Variants in CDK19 observed in about 807,000 individuals in gnomAD.
CDK19 encodes the protein cyclin dependent kinase 19, also known as cyclin-dependent kinase 19.
Under a neutral mutation model 68.3 loss-of-function variants are expected in CDK19, and 20 were observed. The ratio of observed to expected loss-of-function variants is 0.29; its 90% confidence interval spans 0.21 to 0.43. The LOEUF is 0.43. Ranked by LOEUF, CDK19 falls within the 20% of genes least tolerant of loss-of-function variation. The pLI is 1.00. For synonymous variants in CDK19, 221 were observed against 222.8 expected (o/e 0.99, Z 0.07); for missense variants, 339 against 623.5 (o/e 0.54, Z 4.86).
At position 110,621,088 on chromosome 6, in the gene CDK19, G is replaced by A. The variant is rs776505842; in HGVS notation, c.1377+16C>T. 1.2e-5 allele frequency: 20 copies of A among 1,602,734 alleles called. No individual in the cohort carries two copies. The highest frequency in any genetic ancestry group is 1.7e-5 in the Non-Finnish European group (20 of 1,174,502). On this transcript the variant is annotated intron_variant, in intron 12 of 12. Coordinates refer to ENST00000368911, the MANE Select transcript of CDK19 (RefSeq NM_015076.5). The surrounding 1 kb of genome is among the most constrained non-coding windows in gnomAD (Gnocchi z 5.4). Reference sequence around the variant, plus strand: ...CACTTCATAAAGCATATGAACATTAGACATTCAGGGAGTACCTGATAATCC... The same window carrying A: ...CACTTCATAAAGCATATGAACATTAAACATTCAGGGAGTACCTGATAATCC...
chr6:110,627,570 G>A (rs1050986193), intron 6 of CDK19, among the ~76,000 whole-genome samples: 1 of 152,064 alleles, frequency 6.6e-6, no homozygotes, highest in Non-Finnish European at 1.5e-5. Flanking sequence ...GAGTACAGTG[G>A]TGTAACCATG....
intron 4 of CDK19, among the ~76,000 whole-genome samples, chr6:110,655,365 C>CA (rs1015045212): frequency 0.014 from 1,849 of 135,566 alleles, 18 homozygotes; most frequent in African/African-American, 0.034. Context: ...GACTCCATCT[C>CA]AAAAAAAAAA....
At chr6:110,646,415 A>C (rs1780581182) in intron 4 of CDK19, 1 of 1,491,812 alleles carries the variant, frequency 6.7e-7, no homozygotes, top group East Asian at 2.5e-5. Flanking sequence ...GGGCGGCGAC[A>C]TGGCCTTCCC....
At chr6:110,651,034 C>G (rs13362772) in intron 4 of CDK19, among the ~76,000 whole-genome samples, 6,345 of 152,100 alleles carry the variant, frequency 0.042, 163 homozygotes, top group South Asian at 0.083. Flanking sequence ...ATGAGAGAAA[C>G]AGCAAAGAGG....
At chr6:110,704,452 C>T (rs1204546341) in intron 2 of CDK19, among the ~76,000 whole-genome samples, 1 of 152,142 alleles carries the variant, frequency 6.6e-6, no homozygotes, top group Non-Finnish European at 1.5e-5. Flanking sequence ...CTGCTTTTTA[C>T]TTCCTTTGTT....
chr6:110,722,284 T>G (rs1775957679), intron 2 of CDK19: 2 of 152,134 alleles, frequency 1.3e-5, no homozygotes, highest in African/African-American at 4.8e-5. Flanking sequence ...TTGCATGTCA[T>G]CTTTGCACAG....
At chr6:110,655,365 CAAA>C (rs1015045212) in intron 4 of CDK19, among the ~76,000 whole-genome samples, 1 of 135,638 alleles carries the variant, frequency 7.4e-6, no homozygotes. Flanking sequence ...GACTCCATCT[CAAA>C]AAAAAAAAAA....
intron 2 of CDK19, among the ~76,000 whole-genome samples, chr6:110,680,384 G>C (rs1454459048): frequency 6.6e-6 from 1 of 152,154 alleles, no homozygotes; most frequent in Non-Finnish European, 1.5e-5. Context: ...GGACACAGGG[G>C]AACACAAGTG....
At chr6:110,700,149 C>T (rs932383318) in intron 2 of CDK19, among the ~76,000 whole-genome samples, 6 of 152,182 alleles carry the variant, frequency 3.9e-5, no homozygotes, top group Non-Finnish European at 5.9e-5. Context: ...GAATCTAATG[C>T]TTGATGATCT....
intron 1 of CDK19, among the ~76,000 whole-genome samples, chr6:110,765,795 C>G (rs1477814728): frequency 6.6e-6 from 1 of 151,688 alleles, no homozygotes; most frequent in Non-Finnish European, 1.5e-5. Context: ...GGTAAATGAT[C>G]TGAATAGACA....
intron 1 of CDK19, among the ~76,000 whole-genome samples, chr6:110,751,365 C>T (rs544280452): frequency 3.8e-4 from 58 of 152,168 alleles, no homozygotes; most frequent in African/African-American, 1.3e-3. Flanking sequence ...GTGCAAAACC[C>T]ACTGTGAACT....
In CDK19 at chr6:110,791,891, C is replaced by T. The variant is rs182015013; in HGVS notation, c.128+23118G>A. 5.2e-3 allele frequency among the ~76,000 whole-genome samples: 793 copies of T among 152,224 alleles called. 6 individuals carry two copies. Among genetic ancestry groups the T allele is most frequent in the African/African-American group, 0.019 (771 of 41,534 alleles). On this transcript the variant is annotated intron_variant, in intron 1 of 12. Transcript: ENST00000368911. ...GAACTCCTGGCCTCAAGCAATCCTC[C>T]CACCTCAACCTCCCAAAGTGCTGGG...
chr6:110,728,450 T>TC (rs1196738158), intron 2 of CDK19, among the ~76,000 whole-genome samples: 1 of 152,140 alleles, frequency 6.6e-6, no homozygotes, highest in Non-Finnish European at 1.5e-5. Flanking sequence ...GAAAAATCTC[T>TC]AAGTTTTTTT....
intron 1 of CDK19, among the ~76,000 whole-genome samples, chr6:110,750,399 A>G (rs920620790): frequency 6.6e-6 from 1 of 152,280 alleles, no homozygotes; most frequent in Admixed American, 6.5e-5. Context: ...ACAGAGGGGT[A>G]ATAAGACAGG....
rs527639852 is a variant in CDK19, at chr6:110,655,314, C to T, written c.456+12120G>A. ...CCAGGAGGCAGAGGTTGTGGTGAGC[C>T]GAGATCGCGCCACTGCACTCTAGCC... On this transcript the variant is annotated intron_variant, in intron 4 of 12. Coordinates refer to ENST00000368911, the MANE Select transcript of CDK19 (RefSeq NM_015076.5). Among the ~76,000 whole-genome samples, 80 of 151,236 alleles carry T rather than the reference C, an allele frequency of 5.3e-4. 1 individual carries two copies. The South Asian group carries it at 0.01, about 19-fold the overall frequency.
chr6:110,753,940 T>G (rs886246993), intron 1 of CDK19, among the ~76,000 whole-genome samples: 2 of 152,168 alleles, frequency 1.3e-5, no homozygotes, highest in Admixed American at 6.6e-5. Flanking sequence ...GTCAGTGCAC[T>G]TCCAAAATCT....
chr6:110,756,697 A>G (rs577134154), intron 1 of CDK19, among the ~76,000 whole-genome samples: 8 of 151,984 alleles, frequency 5.3e-5, no homozygotes, highest in Non-Finnish European at 1.0e-4. Flanking sequence ...GTGTGTGTGT[A>G]TGTGTATATA....
chr6:110,792,116 A>C, intron 1 of CDK19, among the ~76,000 whole-genome samples: 3 of 151,340 alleles, frequency 2.0e-5, no homozygotes. Flanking sequence ...GACTATAGGC[A>C]CGTGCCACTA....
chr6:110,746,326 T>C, intron 1 of CDK19, 125 bp from the exon 2 acceptor site: 1 of 498,944 alleles, frequency 2.0e-6, no homozygotes, highest in Admixed American at 3.8e-5. Context: ...TTATACCATG[T>C]ATTGCTTATT....
Sources: gnomAD v4.1 joint callset for allele counts (sites outside exome capture counted in the v4.1 genomes callset) on GRCh38, gnomAD v4.1.1 for gene constraint, Gnocchi (gnomAD v3.1) non-coding constraint, MANE v1.5 for transcripts, NCBI Gene and HGNC (gene_info 2026-07-23, HGNC 2026-07-21) for gene names.